KCNQ5: variants seen among roughly 807,000 people sequenced by gnomAD.
KCNQ5 encodes the protein potassium voltage-gated channel subfamily Q member 5, also known as potassium voltage-gated channel subfamily KQT member 5.
Under a neutral mutation model 98.2 loss-of-function variants are expected in KCNQ5, and 30 were observed. The observed-to-expected ratio is 0.31, with a 90% confidence interval of 0.23 to 0.41. The LOEUF (loss-of-function observed/expected upper bound fraction) is 0.41. KCNQ5 is among the 10% of genes least tolerant of loss of function. The pLI, the probability that KCNQ5 is intolerant of heterozygous loss-of-function variation, is 1.00. For synonymous variants in KCNQ5, 458 were observed against 449.4 expected (o/e 1.02, Z -0.24); for missense variants, 835 against 1,182.5 (o/e 0.71, Z 4.31).
At chr6:72,957,150 G>A (rs1767119304) in intron 1 of KCNQ5, among the ~76,000 whole-genome samples, 1 of 150,660 alleles carries the variant, frequency 6.6e-6, no homozygotes, top group Admixed American at 6.7e-5. Flanking sequence ...TCTCACCCCT[G>A]GCTGTACATA....
At chr6:72,674,568 G>A (rs1210087451) in intron 1 of KCNQ5, among the ~76,000 whole-genome samples, 1 of 152,078 alleles carries the variant, frequency 6.6e-6, no homozygotes, top group Non-Finnish European at 1.5e-5. Flanking sequence ...CTCAGGGCTC[G>A]TGACCAGCCT....
At chr6:72,894,697 G>A (rs985704549) in intron 1 of KCNQ5, among the ~76,000 whole-genome samples, 2 of 152,088 alleles carry the variant, frequency 1.3e-5, no homozygotes, top group African/African-American at 4.8e-5. Flanking sequence ...ATTGTATAAT[G>A]AACATTATTC....
At chr6:72,772,234 C>A (rs760639964) in intron 1 of KCNQ5, among the ~76,000 whole-genome samples, 1 of 152,028 alleles carries the variant, frequency 6.6e-6, no homozygotes, top group Non-Finnish European at 1.5e-5. Context: ...GAGAATACAT[C>A]GATGCAAAAG....
intron 1 of KCNQ5, among the ~76,000 whole-genome samples, chr6:72,895,630 G>A (rs1779221528): frequency 6.7e-6 from 1 of 149,348 alleles, no homozygotes; most frequent in African/African-American, 2.4e-5. Context: ...GAACCACTGA[G>A]GAATATGTAT....
At chr6:72,903,148 C>A (rs1486637573) in intron 1 of KCNQ5, among the ~76,000 whole-genome samples, 1 of 152,020 alleles carries the variant, frequency 6.6e-6, no homozygotes, top group Non-Finnish European at 1.5e-5. Context: ...CTTGAAAGAT[C>A]TTTCGTATTT....
At chr6:72,809,877 A>G (rs556033636) in intron 1 of KCNQ5, among the ~76,000 whole-genome samples, 2 of 152,250 alleles carry the variant, frequency 1.3e-5, no homozygotes, top group Admixed American at 6.5e-5. Flanking sequence ...TCACTCACAC[A>G]CCAATGGATC....
At chr6:73,047,317 G>A (rs1447491435) in intron 3 of KCNQ5, among the ~76,000 whole-genome samples, 5 of 152,136 alleles carry the variant, frequency 3.3e-5, no homozygotes, top group African/African-American at 4.8e-5. Flanking sequence ...ACCTGAATGG[G>A]AAATTAGGAC....
chr6:73,166,407 G>T (rs1489594499), intron 10 of KCNQ5, among the ~76,000 whole-genome samples: 1 of 150,618 alleles, frequency 6.6e-6, no homozygotes, highest in African/African-American at 2.5e-5. Flanking sequence ...CTGCACTTGA[G>T]CCTGGGTGAC....
intron 10 of KCNQ5, among the ~76,000 whole-genome samples, chr6:73,168,356 G>A (rs562519229): frequency 1.3e-4 from 20 of 152,310 alleles, no homozygotes; most frequent in African/African-American, 4.3e-4. Context: ...ACACAAAGTA[G>A]TATTAGTCCT....
chr6:73,133,816 C>T (rs995487636), intron 10 of KCNQ5, 175 bp downstream of exon 10: 3 of 766,172 alleles, frequency 3.9e-6, no homozygotes, highest in East Asian at 2.7e-5. Flanking sequence ...ATGTACAGAA[C>T]ATAAGTTTAC....
At chr6:72,918,246 A>G (rs1562066885) in intron 1 of KCNQ5, among the ~76,000 whole-genome samples, 1 of 152,104 alleles carries the variant, frequency 6.6e-6, no homozygotes, top group Non-Finnish European at 1.5e-5. Flanking sequence ...AGGATCTCTC[A>G]AAGTCCAGCT....
intron 1 of KCNQ5, among the ~76,000 whole-genome samples, chr6:72,761,563 CATAAAT>C (rs964729984): frequency 2.6e-5 from 4 of 151,522 alleles, no homozygotes; most frequent in Non-Finnish European, 5.9e-5. Flanking sequence ...ATTTAATCAT[CATAAAT>C]ATAAACATAA....
At chr6:72,754,003 A>G (rs1008020383) in intron 1 of KCNQ5, among the ~76,000 whole-genome samples, 1 of 152,072 alleles carries the variant, frequency 6.6e-6, no homozygotes. Context: ...CCTTTCTAAT[A>G]TGTATAATTT....
At chr6:72,759,207 CCT>C (rs1475629385) in intron 1 of KCNQ5, among the ~76,000 whole-genome samples, 1 of 152,134 alleles carries the variant, frequency 6.6e-6, no homozygotes, top group African/African-American at 2.4e-5. Context: ...CGTTAAGATT[CCT>C]CTCTGGGAAT....
In KCNQ5 at chr6:73,151,311, T is replaced by C. The variant is rs549723397; in HGVS notation, c.1468+17670T>C. Among the ~76,000 whole-genome samples the C allele has an allele frequency of 1.2e-4, 19 of 152,332 alleles. No homozygotes were observed. In the South Asian group the frequency reaches 1.9e-3, roughly 15 times the overall value. ...TCCTCTTGATATTTACATATCTCCA[T>C]ATTTTTCCAATAATATGAGTGTACT... On this transcript the variant is annotated intron_variant, in intron 10 of 13. Transcript: ENST00000370398.
In KCNQ5 at chr6:72,832,438, A is replaced by G. The variant is rs555264679; in HGVS notation, c.399-171470A>G. On this transcript the variant is annotated intron_variant, in intron 1 of 13. Transcript: ENST00000370398. The stretch of plus-strand genomic sequence containing the variant: ...AAGGAGAGGGTGTGATACCACTGGC[A>G]TCCCTGGGTAGAGGCCAGGGAAGCC... Among the ~76,000 whole-genome samples the G allele has an allele frequency of 2.0e-5, 3 of 152,200 alleles. No individual in the cohort carries two copies. The East Asian group carries it at 5.8e-4, about 30-fold the overall frequency.
chr6:73,062,048 GGAGCAA>G lies in KCNQ5; in HGVS notation c.617-15271_617-15266del, dbSNP rs148664430. On this transcript the variant is annotated intron_variant, in intron 3 of 13. Transcript: ENST00000370398. ...ATTTTATTTTAAGAGGTAAATGGAA[GGAGCAA>G]GAACCAAGACAGGTACTTTTTGAGT... 4.5e-4 allele frequency among the ~76,000 whole-genome samples: 69 copies of G among 152,256 alleles called. No homozygotes were observed. In the East Asian group the frequency reaches 0.012, roughly 27 times the overall value.
intron 1 of KCNQ5, among the ~76,000 whole-genome samples, chr6:72,731,485 G>A (rs1770550829): frequency 6.6e-6 from 1 of 152,196 alleles, no homozygotes. Context: ...ACTGTTATGG[G>A]ACTAACTAAC....
intron 1 of KCNQ5, among the ~76,000 whole-genome samples, chr6:72,956,833 C>T (rs1381241063): frequency 6.6e-6 from 1 of 151,822 alleles, no homozygotes; most frequent in African/African-American, 2.4e-5. Context: ...TGGCTTTCCC[C>T]CCTCCCACCA....
Sources: allele counts gnomAD v4.1 joint callset (sites outside exome capture counted in the v4.1 genomes callset), GRCh38; gene constraint gnomAD v4.1.1; transcripts MANE v1.5; gene names NCBI Gene and HGNC (gene_info 2026-07-23, HGNC 2026-07-21).